Variants in KCNAB2 observed in about 807,000 individuals in gnomAD.
KCNAB2 encodes the protein voltage-gated potassium channel subunit beta-2.
A neutral mutation model predicts 63.6 loss-of-function variants in KCNAB2; 29 were observed. The observed-to-expected ratio is 0.46, with a 90% confidence interval of 0.34 to 0.62. The LOEUF is 0.62. KCNAB2 is among the 20% of genes least tolerant of loss of function. The probability of loss-of-function intolerance (pLI) is 0.01; values close to 1 mark genes in which losing one functional copy is unlikely to be tolerated. For synonymous variants in KCNAB2, 222 were observed against 224.2 expected, an observed-to-expected ratio of 0.99 and a Z score of 0.09; for missense variants, 359 against 563.9, an observed-to-expected ratio of 0.64 and a Z score of 3.68.
At position 6,090,459 on chromosome 1, in the gene KCNAB2, C is replaced by G; in HGVS notation, c.585C>G (p.Pro195=). The change falls in exon 9 of 16, where the codon CCC becomes CCG. Residue 195 remains proline, a synonymous_variant. Transcript: ENST00000378083. ...TGGTGTTTGCCAACCGCCCGGACCC[C>G]AACACCCCGATGGAAGGTAGGTGGT... ...VDVVFANRPD[P]NTPMEGDPFS... 4 of 1,613,620 alleles carry G rather than the reference C, an allele frequency of 2.5e-6. No individual in the cohort carries two copies. The South Asian group carries it at 3.3e-5, about 13-fold the overall frequency.
In KCNAB2 at chr1:6,000,360, G is replaced by A. The variant is rs12064583; in HGVS notation, c.-53+7572G>A. On this transcript the variant is annotated intron_variant, in intron 1 of 16. Coordinates refer to the KCNAB2 transcript ENST00000341524. ...GTAAATCCCAACTCAAAACCTCCCC[G>A]TTCCGCAGGGACACAGGGTGCTTTG... Among the ~76,000 whole-genome samples the A allele has an allele frequency of 2.6e-3, 390 of 152,300 alleles. 3 individuals are homozygous for A. The highest frequency in any genetic ancestry group is 8.9e-3 in the African/African-American group (369 of 41,558).
chr1:6,095,446 G>T lies in KCNAB2; in HGVS notation c.853+3G>T. 1 of 1,612,864 alleles carries T rather than the reference G, an allele frequency of 6.2e-7. No homozygotes were observed. The highest frequency in any genetic ancestry group is 1.3e-5 in the African/African-American group (1 of 75,056). ...GCCGGAGCTGTTCCACAAGATAGGTGGGCACCCTCGGGCCCCTCGCCCCGC... is the reference window on the plus strand; with the variant it reads ...GCCGGAGCTGTTCCACAAGATAGGTTGGCACCCTCGGGCCCCTCGCCCCGC... On this transcript the variant is annotated splice_donor_region_variant and intron_variant, in intron 12 of 15. Coordinates refer to ENST00000378083, the MANE Select transcript of KCNAB2 (RefSeq NM_001199862.2).
At chr1:6,045,885 G>T (rs376733227), upstream of KCNAB2, 108 of 985,400 alleles carry the variant, frequency 1.1e-4, no homozygotes, top group African/African-American at 1.6e-3. This position sits in a 1 kb window ranked among gnomAD's most constrained non-coding sequence, Gnocchi z 4.8. Context: ...CCCACGCACC[G>T]GGAGTCAGCC....
chr1:6,093,500 G>A (rs1188994181), intron 10 of KCNAB2, among the ~76,000 whole-genome samples: 2 of 152,258 alleles, frequency 1.3e-5, no homozygotes, highest in African/African-American at 4.8e-5. Flanking sequence ...CCACTGTGTC[G>A]CTGGGGCGAG....
intron 10 of KCNAB2, among the ~76,000 whole-genome samples, chr1:6,093,070 C>A (rs1039188135): frequency 1.3e-5 from 2 of 152,230 alleles, no homozygotes; most frequent in African/African-American, 4.8e-5. Flanking sequence ...GGCCTCGTTG[C>A]CATTCCAGGG....
rs142942990 is a variant in KCNAB2, at chr1:6,073,200, C to T, written c.262+402C>T. ...GATTTGGCCCTTTTTCCTCTCCTGTCAGATACAAGGCCTGTTTCCAGAATG... is the reference window on the plus strand; with the variant it reads ...GATTTGGCCCTTTTTCCTCTCCTGTTAGATACAAGGCCTGTTTCCAGAATG... On this transcript the variant is annotated intron_variant, in intron 3 of 15. Transcript: ENST00000378083. This position sits in a 1 kb window ranked among gnomAD's most constrained non-coding sequence, Gnocchi z 5.7. 1.3e-3 allele frequency among the ~76,000 whole-genome samples: 194 copies of T among 152,256 alleles called. No individual in the cohort carries two copies. The highest frequency in any genetic ancestry group is 4.5e-3 in the African/African-American group (188 of 41,534).
At chr1:6,006,547 C>CCA (rs1657767584) in intron 1 of KCNAB2, among the ~76,000 whole-genome samples, 1 of 11,232 alleles carries the variant, frequency 8.9e-5, no homozygotes, top group African/African-American at 1.6e-4. Flanking sequence ...ATCACCCACT[C>CCA]CTCCCCTACC....
At chr1:6,040,660 C>A in intron 2 of KCNAB2, 1 of 1,554,376 alleles carries the variant, frequency 6.4e-7, no homozygotes, top group Non-Finnish European at 8.9e-7. Flanking sequence ...CCCCCTGCCC[C>A]CTCACCCAGG....
upstream of KCNAB2, among the ~76,000 whole-genome samples, chr1:6,042,849 C>CA (rs769268675): frequency 1.3e-4 from 14 of 110,070 alleles, 1 homozygote; most frequent in South Asian, 4.5e-4. Flanking sequence ...CCCCACCCCC[C>CA]CCCCCGTTTG....
At chr1:6,098,067 T>C (rs1571119038) in intron 15 of KCNAB2, 1 of 726,946 alleles carries the variant, frequency 1.4e-6, no homozygotes, top group Non-Finnish European at 1.7e-6. Context: ...GCTGACAAAC[T>C]GGATGTGGGG....
In KCNAB2 at chr1:6,087,987, T is replaced by C. The variant is rs1350934776; in HGVS notation, c.470+476T>C. ...GTGTCTAGCTCCATAGTTTCTGGGC[T>C]GGACACACTTGGGCTCATAGGAATT... On this transcript the variant is annotated intron_variant, in intron 7 of 15. Coordinates refer to ENST00000378083, the MANE Select transcript of KCNAB2 (RefSeq NM_001199862.2). This position sits in a 1 kb window ranked among gnomAD's most constrained non-coding sequence, Gnocchi z 6.4. 1.3e-5 allele frequency among the ~76,000 whole-genome samples: 2 copies of C among 152,242 alleles called. No homozygotes were observed. The highest frequency in any genetic ancestry group is 4.8e-5 in the African/African-American group (2 of 41,460).
intron 1 of KCNAB2, among the ~76,000 whole-genome samples, chr1:6,010,412 T>C (rs1309695582): frequency 6.6e-6 from 1 of 152,048 alleles, no homozygotes; most frequent in African/African-American, 2.4e-5. Context: ...CTGGGCAACA[T>C]AGCAAGACCT....
chr1:6,100,292 C>A lies in KCNAB2; in HGVS notation c.*1718C>A. 1 of 436,978 alleles carries A rather than the reference C, an allele frequency of 2.3e-6. No individual in the cohort carries two copies. The allele number at this position is 436,978 out of a possible 1,614,324, so 27.1% of individuals were successfully genotyped here. A position where few individuals can be genotyped will look rare whatever the true frequency, so the allele number is the denominator to read the frequency against. On this transcript the variant is annotated 3_prime_UTR_variant, in exon 16 of 16. Transcript: ENST00000378083. ...CTGCCCCTGGCGCCTAGAACCCTTGCCCCTCCTCATAGACCAAGTCCCGGG... is the reference window on the plus strand; with the variant it reads ...CTGCCCCTGGCGCCTAGAACCCTTGACCCTCCTCATAGACCAAGTCCCGGG...
At chr1:5,998,114 C>T (rs185590019) in intron 1 of KCNAB2, among the ~76,000 whole-genome samples, 18 of 152,306 alleles carry the variant, frequency 1.2e-4, no homozygotes, top group African/African-American at 4.1e-4. Context: ...GAAAAGGGCT[C>T]TGCATGGGCA....
At chr1:6,001,725 C>G (rs1166810803) in intron 1 of KCNAB2, among the ~76,000 whole-genome samples, 2 of 152,168 alleles carry the variant, frequency 1.3e-5, no homozygotes, top group East Asian at 1.9e-4. Flanking sequence ...CCGGAACACA[C>G]AGAGAAATGA....
At chr1:6,007,236 C>G (rs1392855085) in intron 1 of KCNAB2, among the ~76,000 whole-genome samples, 1 of 152,194 alleles carries the variant, frequency 6.6e-6, no homozygotes, top group Non-Finnish European at 1.5e-5. Context: ...GAGTTTGTGC[C>G]AGGCTCCAGA....
intron 15 of KCNAB2, 28 bp from the exon 16 acceptor site, chr1:6,098,457 T>C (rs746015630): frequency 4.3e-6 from 7 of 1,612,900 alleles, no homozygotes; most frequent in Non-Finnish European, 4.2e-6. Flanking sequence ...TTGGTGGGAT[T>C]CTGATTTGTT....
upstream of KCNAB2, among the ~76,000 whole-genome samples, chr1:6,033,217 G>T (rs933398170): frequency 6.6e-6 from 1 of 151,580 alleles, no homozygotes; most frequent in African/African-American, 2.4e-5. Context: ...GTGCATGTGG[G>T]TGTGTGCGCA....
rs1665836732 is a variant in KCNAB2, at chr1:6,098,559, G to A, written c.1233G>A (p.Lys411=). Residue 411 remains lysine, a synonymous_variant, in exon 16 of 16, where the codon AAG becomes AAA. Transcript: ENST00000378083. Reference sequence around the variant, plus strand: ...TGGGCAATAAACCCTACAGCAAAAAGGACTACAGATCCTAAGCCGCCCCCG... The same window carrying A: ...TGGGCAATAAACCCTACAGCAAAAAAGACTACAGATCCTAAGCCGCCCCCG... ...SILGNKPYSK[K]DYRS 2 of 1,613,876 alleles carry A rather than the reference G, an allele frequency of 1.2e-6. No individual in the cohort carries two copies. Among genetic ancestry groups the A allele is most frequent in the South Asian group, 1.1e-5 (1 of 91,074 alleles).
Sources: gnomAD v4.1 joint callset for allele counts (sites outside exome capture counted in the v4.1 genomes callset) on GRCh38, gnomAD v4.1.1 for gene constraint, Gnocchi (gnomAD v3.1) non-coding constraint, MANE v1.5 for transcripts, NCBI Gene and HGNC (gene_info 2026-07-23, HGNC 2026-07-21) for gene names.